The following COG5 variants were observed in gnomAD, a reference collection of about 807,000 sequenced individuals.
COG5 encodes component of oligomeric golgi complex 5.
COG5 carries 86 observed loss-of-function variants against 110.4 expected under a neutral mutation model. The ratio of observed to expected loss-of-function variants is 0.78; its 90% confidence interval spans 0.65 to 0.93. COG5 has a LOEUF of 0.93. Among genes scored for constraint, COG5 ranks in the 40% least tolerant of loss-of-function variants. COG5 has a pLI of 0.00. For missense variants in COG5, 1,077 were observed against 987.0 expected (o/e 1.09, Z -1.22); for synonymous variants, 360 against 334.6 (o/e 1.08, Z -0.83).
intron 10 of COG5, among the ~76,000 whole-genome samples, chr7:107,325,196 T>C (rs1417487257): frequency 6.6e-6 from 1 of 152,206 alleles, no homozygotes; most frequent in Non-Finnish European, 1.5e-5. Context: ...GTATCATTTG[T>C]TAAAGAAAGA....
chr7:107,547,770 C>A (rs1802552409), intron 5 of COG5, among the ~76,000 whole-genome samples: 1 of 151,100 alleles, frequency 6.6e-6, no homozygotes, highest in Non-Finnish European at 1.5e-5. Context: ...AAAACAATCC[C>A]ATTTCCCATT....
intron 6 of COG5, among the ~76,000 whole-genome samples, chr7:107,509,144 C>T (rs1336476670): frequency 6.6e-6 from 1 of 151,946 alleles, no homozygotes; most frequent in Non-Finnish European, 1.5e-5. Context: ...AGTTAAAAAC[C>T]TTGAAAAAAA....
At chr7:107,208,210 C>T (rs1189393468) in intron 21 of COG5, 3 of 985,252 alleles carry the variant, frequency 3.0e-6, no homozygotes, top group Non-Finnish European at 3.6e-6. Context: ...TTGCTAAGGG[C>T]ATGAAGGTTC....
chr7:107,508,793 G>C (rs912883566), intron 6 of COG5, among the ~76,000 whole-genome samples: 1 of 152,166 alleles, frequency 6.6e-6, no homozygotes, highest in African/African-American at 2.4e-5. Flanking sequence ...ACAGGGTCTG[G>C]AGTGGACCTC....
At chr7:107,519,502 G>T (rs553892574) in intron 6 of COG5, among the ~76,000 whole-genome samples, 1 of 151,870 alleles carries the variant, frequency 6.6e-6, no homozygotes, top group Non-Finnish European at 1.5e-5. Context: ...ACCACCAAGA[G>T]AATACTATAA....
At chr7:107,401,155 C>T (rs1417975157) in intron 7 of COG5, among the ~76,000 whole-genome samples, 1 of 151,946 alleles carries the variant, frequency 6.6e-6, no homozygotes, top group East Asian at 1.9e-4. Context: ...AAACAGGCCA[C>T]GGGCTGTAGT....
At chr7:107,360,031 G>A (rs1434949147) in intron 10 of COG5, among the ~76,000 whole-genome samples, 1 of 152,110 alleles carries the variant, frequency 6.6e-6, no homozygotes, top group Non-Finnish European at 1.5e-5. Context: ...TATGCTGAGG[G>A]CTGCGCAGAT....
intron 6 of COG5, among the ~76,000 whole-genome samples, chr7:107,463,134 A>C (rs1457850080): frequency 4.6e-5 from 7 of 152,250 alleles, no homozygotes; most frequent in African/African-American, 7.2e-5. Flanking sequence ...CCTTAAATCC[A>C]GGGCCGTAAT....
intron 11 of COG5, among the ~76,000 whole-genome samples, chr7:107,314,830 C>T (rs773581247): frequency 1.3e-5 from 2 of 152,136 alleles, no homozygotes; most frequent in Non-Finnish European, 2.9e-5. Context: ...ATTTGTTCTG[C>T]CAAACAGAAC....
chr7:107,296,762 A>G (rs1166991763), intron 12 of COG5, among the ~76,000 whole-genome samples: 2 of 152,024 alleles, frequency 1.3e-5, no homozygotes, highest in South Asian at 2.1e-4. Context: ...TTCTAACTAT[A>G]CTGGACACAA....
chr7:107,558,819 C>T (rs1410730448), intron 1 of COG5, among the ~76,000 whole-genome samples: 2 of 138,636 alleles, frequency 1.4e-5, no homozygotes. Context: ...ACCCGGGAGG[C>T]GGAGCTTGCA....
At chr7:107,362,177 C>T (rs553283920) in intron 9 of COG5, 67 bp from the exon 10 acceptor site, 26 of 1,364,190 alleles carry the variant, frequency 1.9e-5, no homozygotes, top group African/African-American at 5.7e-5. Context: ...GCAACCTTTA[C>T]GTACATTATC....
intron 14 of COG5, among the ~76,000 whole-genome samples, chr7:107,264,628 G>T (rs974962577): frequency 1.3e-5 from 2 of 152,224 alleles, no homozygotes; most frequent in South Asian, 4.1e-4. Flanking sequence ...AAGAGGTGGA[G>T]ATTGCAGTGA....
At chr7:107,362,146 A>C (rs756241082) in intron 9 of COG5, 36 bp from the exon 10 acceptor site, 7 of 1,515,696 alleles carry the variant, frequency 4.6e-6, no homozygotes, top group Non-Finnish European at 6.4e-6. Context: ...AGGCAATAGA[A>C]AAAGCAAGAA....
rs71856513 is a variant in COG5 at position 107,299,826 on chromosome 7, C to CATATATATATATATAT, written c.1109-1496_1109-1481dup. Among the ~76,000 whole-genome samples the CATATATATATATATAT allele has an allele frequency of 1.3e-3, 132 of 103,154 alleles. 1 individual carries two copies. The highest frequency in any genetic ancestry group is 2.0e-3 in the Non-Finnish European group (99 of 48,464). 67.7% of individuals were successfully genotyped at this position (103,154 alleles called of 152,430 possible). On this transcript the variant is annotated intron_variant, in intron 11 of 21. Coordinates refer to ENST00000297135, the MANE Select transcript of COG5 (RefSeq NM_006348.5). ...ATCTATGTCAGAAATTCATAGTTGGCATATATATATATATATATATATATA... is the reference window on the plus strand; with the variant it reads ...ATCTATGTCAGAAATTCATAGTTGGCATATATATATATATATATATATATATATATATATATATATA...
chr7:107,311,370 ATTTTTTTTTTTTTTT>A (rs71134260), intron 11 of COG5, among the ~76,000 whole-genome samples: 19 of 58,916 alleles, frequency 3.2e-4, no homozygotes, highest in South Asian at 9.3e-4. Flanking sequence ...GCGTATTTAC[ATTTTTTTTTTTTTTT>A]TTTTTTTTTT....
intron 6 of COG5, among the ~76,000 whole-genome samples, chr7:107,476,813 A>C (rs1284551688): frequency 6.6e-6 from 1 of 151,700 alleles, no homozygotes; most frequent in African/African-American, 2.4e-5. Context: ...TAAATGTCTA[A>C]AAATTCAATA....
rs180779650 is a variant in COG5, at chr7:107,404,825, T to C, written c.669+7677A>G. 5.2e-5 allele frequency among the ~76,000 whole-genome samples: 7 copies of C among 135,568 alleles called. No individual in the cohort carries two copies. The East Asian group carries it at 1.5e-3, about 29-fold the overall frequency. The allele number at this position is 135,568 out of a possible 152,430, so 88.9% of individuals were successfully genotyped here. A position where few individuals can be genotyped will look rare whatever the true frequency, so the allele number is the denominator to read the frequency against. On this transcript the variant is annotated intron_variant, in intron 7 of 21. Coordinates refer to ENST00000297135, the MANE Select transcript of COG5 (RefSeq NM_006348.5). ...ATCTGCTCAGAGTAAAATGGGGGTA[T>C]GGCAAGAGAAGATGGTTGATGGAAA...
chr7:107,450,008 A>G (rs1795239512), intron 6 of COG5: 1 of 152,236 alleles, frequency 6.6e-6, no homozygotes, highest in Non-Finnish European at 1.5e-5. Context: ...GGATGGTTTA[A>G]TAAGTTTAGA....
Sources: gnomAD v4.1 joint callset for allele counts (sites outside exome capture counted in the v4.1 genomes callset) on GRCh38, gnomAD v4.1.1 for gene constraint, MANE v1.5 for transcripts, NCBI Gene and HGNC (gene_info 2026-07-23, HGNC 2026-07-21) for gene names.